Variants in PNPT1 observed in about 807,000 individuals in gnomAD.
PNPT1 encodes the protein polyribonucleotide nucleotidyltransferase 1, also known as polyribonucleotide nucleotidyltransferase 1, mitochondrial.
PNPT1 carries 53 observed loss-of-function variants against 119.5 expected under a neutral mutation model. That is an observed-to-expected ratio of 0.44 (90% CI 0.36 to 0.56). The LOEUF (loss-of-function observed/expected upper bound fraction) is 0.56, where lower values mean the gene tolerates loss of function less well. Ranked by LOEUF, PNPT1 falls within the 20% of genes least tolerant of loss-of-function variation. The pLI, the probability that PNPT1 is intolerant of heterozygous loss-of-function variation, is 0.00. For missense variants in PNPT1, 948 were observed against 938.5 expected (o/e 1.01, Z -0.13); for synonymous variants, 357 against 322.1 (o/e 1.11, Z -1.16).
chr2:55,651,990 T>C (rs1055268025), intron 18 of PNPT1, among the ~76,000 whole-genome samples: 1 of 152,082 alleles, frequency 6.6e-6, no homozygotes, highest in African/African-American at 2.4e-5. Context: ...TGTAACTTCT[T>C]AACTTTGCAC....
intron 5 of PNPT1, among the ~76,000 whole-genome samples, chr2:55,682,735 C>T (rs1301512752): frequency 1.3e-5 from 2 of 152,010 alleles, no homozygotes; most frequent in Admixed American, 1.3e-4. Flanking sequence ...TAGTGAAACC[C>T]CCTCTCTACA....
rs538439950 is a variant in PNPT1 at position 55,689,740 on chromosome 2, T to C, written c.162-2035A>G. Among the ~76,000 whole-genome samples the C allele has an allele frequency of 1.4e-4, 22 of 152,340 alleles. 1 individual carries two copies. In the South Asian group the frequency reaches 2.7e-3, roughly 19 times the overall value. ...ACTAATGAATTTCTTTTTAGGGTGA[T>C]AGAAGTGTTCTAAAATTGATGGTGG... is the stretch of plus-strand genomic sequence containing the variant. On this transcript the variant is annotated intron_variant, in intron 1 of 27. Coordinates refer to ENST00000447944, the MANE Select transcript of PNPT1 (RefSeq NM_033109.5).
chr2:55,688,449 C>T (rs975783692), intron 1 of PNPT1, among the ~76,000 whole-genome samples: 5 of 151,710 alleles, frequency 3.3e-5, no homozygotes, highest in East Asian at 1.9e-4. Context: ...TTTAGCCAGG[C>T]GTGGTGTCTC....
chr2:55,638,434 G>A (rs1284815411), intron 26 of PNPT1, among the ~76,000 whole-genome samples: 7 of 152,174 alleles, frequency 4.6e-5, no homozygotes, highest in Admixed American at 4.6e-4. Flanking sequence ...GGCCGAGGTG[G>A]AAGGACTGCT....
chr2:55,656,281 T>C (rs749868104), intron 16 of PNPT1, 24 bp downstream of exon 16: 7 of 1,611,542 alleles, frequency 4.3e-6, no homozygotes, highest in East Asian at 2.2e-5. Flanking sequence ...GAATACCGTA[T>C]TAAGTTTACA....
intron 1 of PNPT1, among the ~76,000 whole-genome samples, chr2:55,689,564 G>T (rs997480896): frequency 1.3e-5 from 2 of 152,170 alleles, no homozygotes; most frequent in Non-Finnish European, 1.5e-5. Flanking sequence ...TCACAACATG[G>T]ATAAACCCTG....
intron 12 of PNPT1, among the ~76,000 whole-genome samples, chr2:55,667,484 C>T (rs1696770181): frequency 6.6e-6 from 1 of 151,950 alleles, no homozygotes; most frequent in Non-Finnish European, 1.5e-5. Flanking sequence ...GTCCCAGCTA[C>T]TCGGGAGGCT....
In PNPT1 at chr2:55,661,091, CTTTTTTTTTTTT is replaced by C. The variant is rs1171064705; in HGVS notation, c.1247+853_1247+864del. 2.0e-4 allele frequency among the ~76,000 whole-genome samples: 14 copies of C among 71,598 alleles called. 1 individual carries two copies. Among genetic ancestry groups the C allele is most frequent in the South Asian group, 4.7e-4 (1 of 2,136 alleles). The allele number at this position is 71,598 out of a possible 152,430, so 47.0% of individuals were successfully genotyped here. On this transcript the variant is annotated intron_variant, in intron 14 of 27. Transcript: ENST00000447944. ...GCTGGTGAGGACTGCAATAGAGATT[CTTTTTTTTTTTT>C]TTTTTTTTTTTTGAGACAGAGTCTC...
intron 14 of PNPT1, among the ~76,000 whole-genome samples, chr2:55,660,461 A>G (rs543102770): frequency 6.6e-6 from 1 of 152,346 alleles, no homozygotes; most frequent in Non-Finnish European, 1.5e-5. Flanking sequence ...ACACTAAGAC[A>G]ATAGATGTAT....
intron 26 of PNPT1, among the ~76,000 whole-genome samples, chr2:55,640,399 G>A (rs929840273): frequency 1.0e-3 from 158 of 152,244 alleles, no homozygotes; most frequent in African/African-American, 3.6e-3. Context: ...TGATTCACCC[G>A]CCTCGGACTT....
Position 55,661,988 on chromosome 2 carries a change from A to G in PNPT1, c.1215T>C (p.Gly405=). ...CTVTFDSLES[G]IKSDQVITAI... ...CTGTTATAACTTGATCTGACTTAAT[A>G]CCAGATTCTAATGAATCAAATGTAA... Residue 405 remains glycine (G), a synonymous_variant, in exon 14 of 28, where the codon GGT becomes GGC. Coordinates refer to ENST00000447944, the MANE Select transcript of PNPT1 (RefSeq NM_033109.5). The G allele has an allele frequency of 6.3e-7, 1 of 1,578,036 alleles. No homozygotes were observed. The highest frequency in any genetic ancestry group is 1.2e-5 in the South Asian group (1 of 83,066).
At chr2:55,658,833 A>G (rs919792680) in intron 15 of PNPT1, among the ~76,000 whole-genome samples, 5 of 152,216 alleles carry the variant, frequency 3.3e-5, no homozygotes, top group Non-Finnish European at 1.5e-5. Flanking sequence ...CTACAAAAAA[A>G]TGTTCTCTAT....
intron 3 of PNPT1, 122 bp from the exon 4 acceptor site, chr2:55,685,170 T>C (rs1697362992): frequency 1.7e-6 from 1 of 605,944 alleles, no homozygotes; most frequent in African/African-American, 1.9e-5. Flanking sequence ...GAAAATGTTA[T>C]TTACTTAGCA....
At chr2:55,647,302 T>A in intron 19 of PNPT1, 45 bp downstream of exon 19, 2 of 1,415,142 alleles carry the variant, frequency 1.4e-6, no homozygotes, top group East Asian at 2.3e-5. Context: ...ATTTATTTAT[T>A]TTTAGTCTTC....
At chr2:55,643,464 G>C (rs896088318) in intron 23 of PNPT1, 39 bp from the exon 24 acceptor site, 48 of 1,567,936 alleles carry the variant, frequency 3.1e-5, no homozygotes, top group Non-Finnish European at 4.1e-5. Flanking sequence ...AGTTAACTTG[G>C]CTGGGCATAG....
intron 18 of PNPT1, among the ~76,000 whole-genome samples, chr2:55,648,233 C>T (rs13407344): frequency 0.14 from 21,425 of 152,158 alleles, 3,076 homozygotes; most frequent in African/African-American, 0.37. Flanking sequence ...TATGCATTTA[C>T]TGTTCTGCAC....
At position 55,635,567 on chromosome 2, in the gene PNPT1, C is replaced by T. The variant is rs1412872710; in HGVS notation, c.*670G>A. The T allele has an allele frequency of 6.6e-6, 1 of 152,148 alleles. No individual in the cohort carries two copies. Among genetic ancestry groups the T allele is most frequent in the Admixed American group, 6.6e-5 (1 of 15,262 alleles). The allele number at this position is 152,148 out of a possible 1,614,324, so 9.4% of individuals were successfully genotyped here. The stretch of plus-strand genomic sequence containing the variant: ...TGATCTCATGATCCGCCTGCCTTAG[C>T]CAATAATCTTTCTGTTTAGGTAAAT... On this transcript the variant is annotated 3_prime_UTR_variant, in exon 28 of 28. Transcript: ENST00000447944.
chr2:55,654,754 T>G, intron 18 of PNPT1, 146 bp downstream of exon 18: 2 of 618,474 alleles, frequency 3.2e-6, no homozygotes, highest in Admixed American at 5.7e-5. Context: ...TTTAATCTTT[T>G]TTGTAGAGAT....
At chr2:55,691,647 T>C (rs1697603067) in intron 1 of PNPT1, among the ~76,000 whole-genome samples, 1 of 151,990 alleles carries the variant, frequency 6.6e-6, no homozygotes, top group Non-Finnish European at 1.5e-5. Context: ...TATCTCACAG[T>C]ATGTGTCTGT....
Sources: gnomAD v4.1 joint callset for allele counts (sites outside exome capture counted in the v4.1 genomes callset) on GRCh38, gnomAD v4.1.1 for gene constraint, MANE v1.5 for transcripts, NCBI Gene and HGNC (gene_info 2026-07-23, HGNC 2026-07-21) for gene names.